SYN3: variants seen among roughly 807,000 people sequenced by gnomAD.
SYN3 encodes the protein synapsin-3.
A neutral mutation model predicts 65.8 loss-of-function variants in SYN3; 35 were observed. The observed-to-expected ratio is 0.53, with a 90% confidence interval of 0.41 to 0.70. The LOEUF is 0.70. SYN3 is among the 30% of genes least tolerant of loss of function. The pLI, the probability that SYN3 is intolerant of heterozygous loss-of-function variation, is 0.00. For missense variants in SYN3, 680 were observed against 749.0 expected (o/e 0.91, Z 1.08); for synonymous variants, 270 against 292.9 (o/e 0.92, Z 0.80).
intron 3 of SYN3, among the ~76,000 whole-genome samples, chr22:32,956,429 A>G (rs188739285): frequency 1.3e-5 from 2 of 152,284 alleles, no homozygotes; most frequent in Admixed American, 1.3e-4. Flanking sequence ...TGCTGGGATT[A>G]CAGGTGTGAG....
chr22:33,023,952 T>G (rs186125402), intron 1 of SYN3, among the ~76,000 whole-genome samples: 18 of 152,326 alleles, frequency 1.2e-4, no homozygotes, highest in Admixed American at 7.2e-4. Flanking sequence ...TGGAGAGGTG[T>G]CCACCTTGGT....
chr22:32,680,654 G>T (rs1364599893), intron 6 of SYN3, among the ~76,000 whole-genome samples: 3 of 152,120 alleles, frequency 2.0e-5, no homozygotes, highest in Non-Finnish European at 4.4e-5. Flanking sequence ...TTGCTAGTAG[G>T]TTTCATCCTT....
intron 3 of SYN3, among the ~76,000 whole-genome samples, chr22:32,932,570 G>A (rs1041382343): frequency 8.5e-5 from 13 of 152,186 alleles, no homozygotes; most frequent in Non-Finnish European, 1.6e-4. Flanking sequence ...GAGAGGGGCA[G>A]GGGCAAGAGA....
intron 6 of SYN3, among the ~76,000 whole-genome samples, chr22:32,758,218 A>G (rs1045807177): frequency 6.6e-6 from 1 of 152,180 alleles, no homozygotes; most frequent in African/African-American, 2.4e-5. Flanking sequence ...TATGTTAGGC[A>G]TAATTATGAC....
chr22:32,887,715 C>T (rs946652745), intron 4 of SYN3, among the ~76,000 whole-genome samples: 1 of 152,220 alleles, frequency 6.6e-6, no homozygotes, highest in African/African-American at 2.4e-5. Context: ...GAAGCATTCC[C>T]TTATGTGCAT....
At chr22:33,010,884 C>T (rs2053334652) in intron 1 of SYN3, among the ~76,000 whole-genome samples, 1 of 152,112 alleles carries the variant, frequency 6.6e-6, no homozygotes, top group South Asian at 2.1e-4. Flanking sequence ...TAAAATGACA[C>T]TGTTTTCTAA....
intron 7 of SYN3, among the ~76,000 whole-genome samples, chr22:32,550,712 T>A (rs201969162): frequency 4.0e-4 from 51 of 126,116 alleles, no homozygotes; most frequent in East Asian, 2.2e-3. Context: ...AAAAAAAAAA[T>A]AAGAATAAAC....
chr22:33,035,679 A>C (rs1376169600), intron 1 of SYN3, among the ~76,000 whole-genome samples: 1 of 152,218 alleles, frequency 6.6e-6, no homozygotes, highest in Non-Finnish European at 1.5e-5. Context: ...CCTGGAGTCA[A>C]GTGATCCTCC....
chr22:32,875,989 G>A (rs1037643079), intron 4 of SYN3, among the ~76,000 whole-genome samples: 15 of 152,010 alleles, frequency 9.9e-5, no homozygotes, highest in African/African-American at 3.4e-4. Context: ...TTGTTCTGGC[G>A]TACACCCATG....
Position 32,715,703 on chromosome 22 carries a change from C to T in SYN3, c.712-118967G>A, listed in dbSNP as rs1050173001. Among the ~76,000 whole-genome samples the T allele has an allele frequency of 5.6e-5, 8 of 143,314 alleles. No individual in the cohort carries two copies. The East Asian group carries it at 6.4e-4, about 11-fold the overall frequency. The allele number at this position is 143,314 out of a possible 152,430, so 94.0% of individuals were successfully genotyped here. ...GCTGAGGCAGAGAATTGCTTGAACTCGGGAGGCAGAGGTTGCAGTGAGCCA... is the reference window on the plus strand; with the variant it reads ...GCTGAGGCAGAGAATTGCTTGAACTTGGGAGGCAGAGGTTGCAGTGAGCCA... On this transcript the variant is annotated intron_variant, in intron 6 of 13. Coordinates refer to ENST00000358763, the MANE Select transcript of SYN3 (RefSeq NM_003490.4).
intron 6 of SYN3, among the ~76,000 whole-genome samples, chr22:32,703,506 G>T (rs1396414763): frequency 1.3e-5 from 2 of 151,990 alleles, no homozygotes; most frequent in Non-Finnish European, 2.9e-5. Flanking sequence ...GCGTGGTAGC[G>T]GATGCCTGTA....
chr22:33,041,808 C>T (rs2053969263), intron 1 of SYN3, among the ~76,000 whole-genome samples: 1 of 152,102 alleles, frequency 6.6e-6, no homozygotes. Context: ...TCTTTCAAAA[C>T]CCAGCTCAGA....
At chr22:32,965,861 A>G (rs1221807399) in intron 3 of SYN3, among the ~76,000 whole-genome samples, 3 of 151,916 alleles carry the variant, frequency 2.0e-5, no homozygotes, top group Non-Finnish European at 2.9e-5. Flanking sequence ...CACCCGGCTA[A>G]TTTTTTGTAT....
chr22:32,799,810 T>A (rs1602176030), intron 6 of SYN3, among the ~76,000 whole-genome samples: 1 of 152,118 alleles, frequency 6.6e-6, no homozygotes, highest in Admixed American at 6.5e-5. Context: ...TGAGACCCTA[T>A]TTGGTTCTGA....
intron 8 of SYN3, among the ~76,000 whole-genome samples, chr22:32,540,939 T>G (rs2058244057): frequency 6.6e-6 from 1 of 152,260 alleles, no homozygotes; most frequent in African/African-American, 2.4e-5. Flanking sequence ...GCTGCCCACC[T>G]TCCTGGGGCT....
chr22:32,807,965 TACTG>T (rs1195144189), intron 6 of SYN3, among the ~76,000 whole-genome samples: 4 of 152,174 alleles, frequency 2.6e-5, no homozygotes, highest in Non-Finnish European at 5.9e-5. Flanking sequence ...TTTATTGACT[TACTG>T]AGTGTTTTTT....
intron 1 of SYN3, among the ~76,000 whole-genome samples, chr22:33,029,609 G>A (rs1185337820): frequency 6.6e-6 from 1 of 152,160 alleles, no homozygotes; most frequent in Non-Finnish European, 1.5e-5. Context: ...AGGTGTGCTG[G>A]TATTACTCTC....
chr22:32,982,858 C>A (rs193144971), intron 2 of SYN3, among the ~76,000 whole-genome samples: 1 of 152,226 alleles, frequency 6.6e-6, no homozygotes, highest in African/African-American at 2.4e-5. Context: ...CACTCACAAC[C>A]ACCACCACGA....
At chr22:32,907,162 C>G (rs1235729987) in intron 4 of SYN3, among the ~76,000 whole-genome samples, 3 of 152,172 alleles carry the variant, frequency 2.0e-5, no homozygotes, top group Non-Finnish European at 2.9e-5. Flanking sequence ...GTGTGCTCAT[C>G]ATGTGTCCCA....
Sources: gnomAD v4.1 joint callset for allele counts (sites outside exome capture counted in the v4.1 genomes callset) on GRCh38, gnomAD v4.1.1 for gene constraint, MANE v1.5 for transcripts, NCBI Gene and HGNC (gene_info 2026-07-23, HGNC 2026-07-21) for gene names.